Variants in PCDHA10 observed in about 807,000 individuals in gnomAD.
PCDHA10 encodes protocadherin alpha 10.
PCDHA10 carries 45 observed loss-of-function variants against 61.2 expected under a neutral mutation model. The observed-to-expected ratio is 0.74, with a 90% CI of 0.58 to 0.94. The LOEUF (loss-of-function observed/expected upper bound fraction) is 0.94. PCDHA10 is among the 40% of genes least tolerant of loss of function. The probability of loss-of-function intolerance (pLI) is 0.00; values close to 1 mark genes in which losing one functional copy is unlikely to be tolerated. For missense variants in PCDHA10, 1,278 were observed against 1,236.2 expected, an observed-to-expected ratio of 1.03 and a Z score of -0.51; for synonymous variants, 602 against 548.8, an observed-to-expected ratio of 1.10 and a Z score of -1.35.
At chr5:140,862,748 C>T in intron 1 of PCDHA10, 1 of 577,560 alleles carries the variant, frequency 1.7e-6, no homozygotes, top group Non-Finnish European at 3.3e-6. Flanking sequence ...TGGGTGCACG[C>T]GGAGAGCGGC....
Position 140,868,975 on chromosome 5 carries a change from A to G in PCDHA10, c.2388+10539A>G, listed in dbSNP as rs1379610882. 4.1e-6 allele frequency: 6 copies of G among 1,479,060 alleles called. No individual in the cohort carries two copies. The South Asian group carries it at 7.0e-5, about 17-fold the overall frequency. The allele number at this position is 1,479,060 out of a possible 1,614,324, so 91.6% of individuals were successfully genotyped here. A position where few individuals can be genotyped will look rare whatever the true frequency, so the allele number is the denominator to read the frequency against. The stretch of plus-strand genomic sequence containing the variant: ...CACTCCCATACAAAGGAACTCCATC[A>G]TACCGGATGCCACCGTTTAAGGATC... On this transcript the variant is annotated intron_variant, in intron 1 of 3. Transcript: ENST00000307360.
chr5:140,992,017 CTGTGTGTGTGTG>C (rs10602499), intron 3 of PCDHA10, among the ~76,000 whole-genome samples: 3 of 145,512 alleles, frequency 2.1e-5, no homozygotes, highest in South Asian at 2.2e-4. Flanking sequence ...AGAGGTGGCT[CTGTGTGTGTGTG>C]TGTGTGTGTG....
In PCDHA10 at chr5:140,856,586, G is replaced by A. The variant is rs1185371115; in HGVS notation, c.538G>A (p.Asp180Asn). 7 of 1,597,236 alleles carry A rather than the reference G, an allele frequency of 4.4e-6. 1 individual carries two copies. The highest frequency in any genetic ancestry group is 6.0e-6 in the Non-Finnish European group (7 of 1,166,914). ...KLSPNEYFVLDIINKKDKDKF... is the reference protein window; with the variant it reads ...KLSPNEYFVLNIINKKDKDKF... ...CAGTCCAAATGAGTATTTTGTTCTT[G>A]ATATTATAAACAAAAAAGACAAAGA... The change falls in exon 1 of 4, where the codon GAT (aspartate) becomes AAT (asparagine). Residue 180 changes from aspartate to asparagine, a missense_variant. Coordinates refer to ENST00000307360, the MANE Select transcript of PCDHA10 (RefSeq NM_018901.4).
intron 1 of PCDHA10, chr5:140,877,376 G>A: frequency 6.2e-7 from 1 of 1,614,014 alleles, no homozygotes; most frequent in Non-Finnish European, 8.5e-7. Context: ...AGCACGACAC[G>A]CATCCTGGAT....
chr5:140,883,494 T>C, intron 1 of PCDHA10: 1 of 1,614,208 alleles, frequency 6.2e-7, no homozygotes, highest in Non-Finnish European at 8.5e-7. Flanking sequence ...TCATTAGTGC[T>C]GGACAGCGCC....
chr5:141,008,359 G>A (rs1369587129), intron 3 of PCDHA10, among the ~76,000 whole-genome samples: 1 of 152,150 alleles, frequency 6.6e-6, no homozygotes, highest in Non-Finnish European at 1.5e-5. Flanking sequence ...GTCAACCAAA[G>A]GAGCAGTGTT....
At chr5:140,927,167 C>G in intron 1 of PCDHA10, 3 of 1,614,164 alleles carry the variant, frequency 1.9e-6, no homozygotes, top group Non-Finnish European at 2.5e-6. Flanking sequence ...GCCAAAGCTG[C>G]CTGCGTCTTG....
intron 1 of PCDHA10, chr5:140,969,449 AG>A (rs1470034134): frequency 2.8e-5 from 43 of 1,510,842 alleles, no homozygotes; most frequent in Non-Finnish European, 3.2e-5. Flanking sequence ...TGGTAAACTG[AG>A]TATATATAGT....
intron 1 of PCDHA10, among the ~76,000 whole-genome samples, chr5:140,922,423 T>C (rs1554200812): frequency 6.6e-6 from 1 of 152,170 alleles, no homozygotes; most frequent in Non-Finnish European, 1.5e-5. Context: ...GTACAGAGGC[T>C]GAGGGCAGAA....
chr5:140,927,796 C>T, intron 1 of PCDHA10: 1 of 1,614,202 alleles, frequency 6.2e-7, no homozygotes, highest in South Asian at 1.1e-5. Context: ...ACTAGGTCCG[C>T]CTGAAACGCT....
At position 140,931,440 on chromosome 5, in the gene PCDHA10, A is replaced by C. The variant is rs539915059; in HGVS notation, c.2389-47509A>C. Among the ~76,000 whole-genome samples the C allele has an allele frequency of 2.1e-5, 3 of 141,482 alleles. No individual in the cohort carries two copies. In the South Asian group the frequency reaches 6.9e-4, roughly 32 times the overall value. 92.8% of individuals were successfully genotyped at this position (141,482 alleles called of 152,430 possible). A position where few individuals can be genotyped will look rare whatever the true frequency, so the allele number is the denominator to read the frequency against. ...CTAGAAGTTAGAAGGAAAATTAGCT[A>C]TTTAAAAGGAAAAATATAGGAATGA... On this transcript the variant is annotated intron_variant, in intron 1 of 3. Transcript: ENST00000307360.
chr5:140,925,108 G>GGGAA (rs1299910272), intron 1 of PCDHA10, among the ~76,000 whole-genome samples: 1 of 124,780 alleles, frequency 8.0e-6, no homozygotes, highest in East Asian at 2.1e-4. Flanking sequence ...GAAGGAAGGA[G>GGGAA]GGAAGGAAGG....
chr5:140,946,508 G>A (rs1352307719), intron 1 of PCDHA10, among the ~76,000 whole-genome samples: 3 of 151,202 alleles, frequency 2.0e-5, no homozygotes, highest in Non-Finnish European at 3.0e-5. Flanking sequence ...GTATGTCAAA[G>A]ACCTATCCGC....
At chr5:140,875,277 G>T in intron 1 of PCDHA10, 1 of 1,315,080 alleles carries the variant, frequency 7.6e-7, no homozygotes, top group African/African-American at 1.5e-5. Context: ...CACTCAGAAG[G>T]TGAAACAGGA....
intron 1 of PCDHA10, chr5:140,862,465 G>A (rs1462351326): frequency 8.1e-6 from 3 of 371,280 alleles, no homozygotes; most frequent in Non-Finnish European, 1.6e-5. Flanking sequence ...GACCAAGAGA[G>A]CAAATCTATC....
chr5:140,966,864 T>A, intron 1 of PCDHA10: 1 of 1,564,920 alleles, frequency 6.4e-7, no homozygotes. Flanking sequence ...CTGCTGTTGC[T>A]GCTGCTGCTA....
chr5:140,970,423 G>A (rs2096404787), intron 1 of PCDHA10, among the ~76,000 whole-genome samples: 1 of 151,762 alleles, frequency 6.6e-6, no homozygotes, highest in Admixed American at 6.6e-5. Context: ...AAGGTGTAGA[G>A]GCAGGTGTTA....
At position 140,857,115 on chromosome 5, in the gene PCDHA10, T is replaced by C. The variant is rs782131761; in HGVS notation, c.1067T>C (p.Leu356Pro). The change falls in exon 1 of 4, where the codon CTC becomes CCC. Residue 356 changes from leucine to proline, a missense_variant. By Grantham distance (98) the Leu-to-Pro change is moderately conservative. Coordinates refer to ENST00000307360, the MANE Select transcript of PCDHA10 (RefSeq NM_018901.4). ...GAGGTGATTGTCACTTCTCTGTCTC[T>C]CCCAGTGAAAGAAGATGCTCAAGTG... ...SPEVIVTSLS[L>P]PVKEDAQVGT... 20 of 1,597,830 alleles carry C rather than the reference T, an allele frequency of 1.3e-5. 2 individuals carry two copies. In the East Asian group the frequency reaches 3.8e-4, roughly 30 times the overall value.
intron 1 of PCDHA10, among the ~76,000 whole-genome samples, chr5:140,925,505 C>A (rs528944783): frequency 6.6e-5 from 10 of 152,052 alleles, no homozygotes; most frequent in African/African-American, 2.2e-4. Flanking sequence ...CCAATATCCA[C>A]GCAAAAGACC....
Sources: allele counts gnomAD v4.1 joint callset (sites outside exome capture counted in the v4.1 genomes callset), GRCh38; gene constraint gnomAD v4.1.1; transcripts MANE v1.5; gene names NCBI Gene and HGNC (gene_info 2026-07-23, HGNC 2026-07-21).